AGBL1: variants seen among roughly 807,000 people sequenced by gnomAD.
The protein encoded by AGBL1 is cytosolic carboxypeptidase 4.
A neutral mutation model predicts 118.9 loss-of-function variants in AGBL1; 130 were observed. The ratio of observed to expected loss-of-function variants is 1.09; its 90% CI spans 0.95 to 1.26. The LOEUF is 1.26. Among genes scored for constraint, AGBL1 ranks in the 50% most tolerant of loss-of-function variants. AGBL1 has a pLI of 0.00. For synonymous variants in AGBL1, 555 were observed against 478.9 expected, an observed-to-expected ratio of 1.16 and a Z score of -2.08; for missense variants, 1,584 against 1,298.1, an observed-to-expected ratio of 1.22 and a Z score of -3.38.
chr15:86,548,452 T>G (rs1293176652), intron 20 of AGBL1, among the ~76,000 whole-genome samples: 1 of 152,120 alleles, frequency 6.6e-6, no homozygotes, highest in African/African-American at 2.4e-5. Context: ...GAAGAAAATT[T>G]TGAAAAGCAG....
intron 22 of AGBL1, among the ~76,000 whole-genome samples, chr15:86,804,932 G>A (rs994201156): frequency 6.6e-6 from 1 of 152,150 alleles, no homozygotes; most frequent in Non-Finnish European, 1.5e-5. Context: ...GCTAAGGTAG[G>A]AAAAGTTTAG....
At chr15:86,864,367 G>A (rs929124706) in intron 22 of AGBL1, among the ~76,000 whole-genome samples, 1 of 152,146 alleles carries the variant, frequency 6.6e-6, no homozygotes, top group Non-Finnish European at 1.5e-5. Context: ...AAAATGTATT[G>A]AAAGTTCGCT....
At chr15:86,623,276 G>A (rs1411660883) in intron 21 of AGBL1, among the ~76,000 whole-genome samples, 1 of 152,160 alleles carries the variant, frequency 6.6e-6, no homozygotes, top group East Asian at 1.9e-4. Flanking sequence ...GCTCAATCAT[G>A]TAGAGCCTGG....
chr15:86,624,221 AT>A (rs1442541665), intron 21 of AGBL1, among the ~76,000 whole-genome samples: 3 of 152,238 alleles, frequency 2.0e-5, no homozygotes, highest in Non-Finnish European at 4.4e-5. Context: ...AGGTAATAAT[AT>A]TCTAGTTCTC....
intron 22 of AGBL1, among the ~76,000 whole-genome samples, chr15:86,705,969 G>GA (rs5814259): frequency 1.1e-4 from 17 of 149,696 alleles, no homozygotes; most frequent in East Asian, 5.9e-4. Flanking sequence ...TCATCTTTTG[G>GA]AAAAAAAAAA....
chr15:86,741,933 C>T (rs974464022), intron 22 of AGBL1, among the ~76,000 whole-genome samples: 4 of 150,932 alleles, frequency 2.7e-5, no homozygotes, highest in African/African-American at 7.3e-5. Context: ...TTTCTCTATT[C>T]CTCTTCAGAT....
At chr15:86,138,179 G>C (rs72750278) in intron 1 of AGBL1, 7,823 of 152,266 alleles carry the variant, frequency 0.051, 250 homozygotes, top group South Asian at 0.085. Context: ...TGGTCATACT[G>C]CAGACAGATT....
chr15:87,009,737 A>C (rs1412734770), intron 24 of AGBL1, among the ~76,000 whole-genome samples: 1 of 152,176 alleles, frequency 6.6e-6, no homozygotes, highest in African/African-American at 2.4e-5. Flanking sequence ...CTTGCATCAG[A>C]GTGACCTAGA....
At chr15:86,772,712 G>T (rs1357824895) in intron 22 of AGBL1, among the ~76,000 whole-genome samples, 1 of 152,002 alleles carries the variant, frequency 6.6e-6, no homozygotes, top group Non-Finnish European at 1.5e-5. Flanking sequence ...AAATCAAGGA[G>T]GTCATTTTGT....
chr15:86,575,580 C>G (rs1453419393), intron 21 of AGBL1, among the ~76,000 whole-genome samples: 2 of 151,934 alleles, frequency 1.3e-5, no homozygotes, highest in African/African-American at 4.8e-5. Flanking sequence ...TTTTAAAATT[C>G]ATGAACTTAA....
At chr15:86,709,427 A>G (rs1208223760) in intron 22 of AGBL1, among the ~76,000 whole-genome samples, 1 of 152,158 alleles carries the variant, frequency 6.6e-6, no homozygotes, top group Non-Finnish European at 1.5e-5. Context: ...CAAGCAGCCA[A>G]GAGATCTACT....
At chr15:86,926,538 G>A (rs535394903) in intron 23 of AGBL1, among the ~76,000 whole-genome samples, 1 of 152,172 alleles carries the variant, frequency 6.6e-6, no homozygotes, top group South Asian at 2.1e-4. Context: ...CCCAAAAGAA[G>A]CAAGTCAATT....
At chr15:86,760,948 C>T (rs1488132764) in intron 22 of AGBL1, among the ~76,000 whole-genome samples, 1 of 152,084 alleles carries the variant, frequency 6.6e-6, no homozygotes, top group Non-Finnish European at 1.5e-5. Flanking sequence ...CATTGGTAAG[C>T]ACCCTTAAAA....
intron 21 of AGBL1, among the ~76,000 whole-genome samples, chr15:86,663,813 T>C (rs1197255692): frequency 6.6e-6 from 1 of 152,200 alleles, no homozygotes; most frequent in African/African-American, 2.4e-5. Context: ...GCTCTACTGC[T>C]ACTTAATTAC....
At chr15:86,571,030 G>T (rs1407024272) in intron 21 of AGBL1, among the ~76,000 whole-genome samples, 1 of 152,204 alleles carries the variant, frequency 6.6e-6, no homozygotes, top group South Asian at 2.1e-4. Flanking sequence ...AGGGTGGGCA[G>T]CTCCAGGTGC....
Position 86,114,168 on chromosome 15 carries a change from G to A in AGBL1, c.52-27836G>A, listed in dbSNP as rs1597410902. Among the ~76,000 whole-genome samples the A allele has an allele frequency of 2.0e-5, 3 of 152,198 alleles. 1 individual carries two copies. The South Asian group carries it at 6.2e-4, about 32-fold the overall frequency. ...TAGTCTTGTTGAACAATCCAATTAA[G>A]GGACTCTTTATATATAACATGTTTG... is the stretch of plus-strand genomic sequence containing the variant. On this transcript the variant is annotated intron_variant, in intron 1 of 22. Transcript: ENST00000614907.
chr15:86,558,722 G>A lies in AGBL1; in HGVS notation c.2994+4185G>A, dbSNP rs142273952. ...TAGGAAATTCAATCATCGGAACTCC[G>A]TGTTCAGGGCTCCCAGTGGCCCTTT... On this transcript the variant is annotated intron_variant, in intron 21 of 22. Transcript: ENST00000614907. Among the ~76,000 whole-genome samples the A allele has an allele frequency of 3.9e-3, 587 of 152,266 alleles. 3 individuals carry two copies. Among genetic ancestry groups the A allele is most frequent in the African/African-American group, 0.014 (574 of 41,542 alleles).
At chr15:86,161,429 G>C (rs571842210) in intron 5 of AGBL1, among the ~76,000 whole-genome samples, 5 of 152,282 alleles carry the variant, frequency 3.3e-5, no homozygotes, top group Non-Finnish European at 7.4e-5. Flanking sequence ...GAAACTGAAA[G>C]AAGTTAAGTA....
chr15:86,808,701 C>T lies in AGBL1; in HGVS notation c.3159-98386C>T, dbSNP rs146425299. ...TTTCCTTCCTTTTTCCTTCCTCCTT[C>T]CTTCCTTCTTCCCTTTTCTTTCTTT... is the stretch of plus-strand genomic sequence containing the variant. On this transcript the variant is annotated intron_variant, in intron 22 of 22. Coordinates refer to ENST00000614907, the MANE Select transcript of AGBL1 (RefSeq NM_001386094.1). 1.1e-3 allele frequency among the ~76,000 whole-genome samples: 172 copies of T among 149,860 alleles called. 1 individual carries two copies. The highest frequency in any genetic ancestry group is 2.8e-3 in the African/African-American group (114 of 40,848).
Sources: gnomAD v4.1 joint callset for allele counts (sites outside exome capture counted in the v4.1 genomes callset) on GRCh38, gnomAD v4.1.1 for gene constraint, MANE v1.5 for transcripts, NCBI Gene and HGNC (gene_info 2026-07-23, HGNC 2026-07-21) for gene names.